ATCAY: variants seen among roughly 807,000 people sequenced by gnomAD.
ATCAY encodes the protein caytaxin.
In ATCAY, 22 loss-of-function variants were observed where a neutral mutation model predicts 47.7. That is an observed-to-expected ratio of 0.46 (90% confidence interval 0.33 to 0.66). The LOEUF is 0.66. Ranked by LOEUF, ATCAY falls within the 30% of genes least tolerant of loss-of-function variation. The pLI is 0.02. For missense variants in ATCAY, 452 were observed against 515.0 expected (o/e 0.88, Z 1.18); for synonymous variants, 216 against 207.6 (o/e 1.04, Z -0.35).
At chr19:3,911,255 A>C in intron 8 of ATCAY, among the ~76,000 whole-genome samples, 1 of 152,136 alleles carries the variant, frequency 6.6e-6, no homozygotes, top group East Asian at 1.9e-4. Context: ...AGTTTCAGCT[A>C]CTTGGGAGGC....
intron 11 of ATCAY, chr19:3,920,226 T>C (rs1397686072): frequency 6.6e-6 from 1 of 152,292 alleles, no homozygotes; most frequent in East Asian, 1.9e-4. Context: ...TACCTTGTAG[T>C]CCCAGCTACT....
At chr19:3,912,569 C>T (rs193153664) in intron 8 of ATCAY, among the ~76,000 whole-genome samples, 36 of 151,996 alleles carry the variant, frequency 2.4e-4, no homozygotes, top group Admixed American at 2.0e-3. Flanking sequence ...CTTGGCCTCC[C>T]AAAGTGAAAA....
At chr19:3,905,307 T>C (rs1000284091) in intron 3 of ATCAY, 127 bp from the exon 4 acceptor site, 7 of 922,774 alleles carry the variant, frequency 7.6e-6, no homozygotes, top group Admixed American at 2.7e-5. Context: ...ATGGCATGGA[T>C]ACAGAAGGGA....
chr19:3,906,291 C>G (rs997054476), intron 4 of ATCAY, among the ~76,000 whole-genome samples: 4 of 150,390 alleles, frequency 2.7e-5, no homozygotes, highest in African/African-American at 4.9e-5. Context: ...AGGGTCCATC[C>G]GCTCCTGCGA....
intron 9 of ATCAY, among the ~76,000 whole-genome samples, chr19:3,914,391 A>C (rs11085049): frequency 6.6e-6 from 1 of 151,846 alleles, no homozygotes; most frequent in Non-Finnish European, 1.5e-5. Flanking sequence ...ATCAGATCTC[A>C]TGAGACTTAC....
chr19:3,924,246 T>C lies in ATCAY; in HGVS notation c.1107-337T>C, dbSNP rs918702913. ...GTGAGTGAGTGTGTGGATGGATGGA[T>C]GGATGGATGGATGGATGGATGGATG... On this transcript the variant is annotated intron_variant, in intron 12 of 12. Transcript: ENST00000450849. 1.4e-3 allele frequency among the ~76,000 whole-genome samples: 205 copies of C among 150,476 alleles called. 2 individuals are homozygous for C. Among genetic ancestry groups the C allele is most frequent in the South Asian group, 7.3e-3 (34 of 4,688 alleles).
chr19:3,896,267 CTTT>C (rs71166934), intron 2 of ATCAY, among the ~76,000 whole-genome samples: 7 of 141,186 alleles, frequency 5.0e-5, no homozygotes, highest in South Asian at 2.3e-4. Flanking sequence ...AATCACATCC[CTTT>C]TTTTTTTTTT....
In ATCAY at chr19:3,907,912, C is replaced by T. The variant is rs1428534798; in HGVS notation, c.537C>T (p.Thr179=). The change falls in exon 5 of 13, where the codon ACC becomes ACT. Residue 179 remains threonine, a synonymous_variant. Transcript: ENST00000450849. The surrounding 1 kb of genome is among the most constrained non-coding windows in gnomAD (Gnocchi z 5.1). The part of the protein sequence containing the change: ...HMIRPYMKVV[T]HGGYYGEGLN... ...TCCGGCCTTACATGAAAGTGGTCACCCACGGAGGTGAGACCCGCCCCCCGG... is the reference window on the plus strand; with the variant it reads ...TCCGGCCTTACATGAAAGTGGTCACTCACGGAGGTGAGACCCGCCCCCCGG... The T allele has an allele frequency of 6.2e-7, 1 of 1,613,412 alleles. No homozygotes were observed. Among genetic ancestry groups the T allele is most frequent in the Non-Finnish European group, 8.5e-7 (1 of 1,179,640 alleles).
At chr19:3,922,143 G>A (rs998804315) in intron 12 of ATCAY, 2 of 702,530 alleles carry the variant, frequency 2.8e-6, no homozygotes, top group African/African-American at 3.5e-5. Context: ...CTGACTGTCT[G>A]CATGGCTTTT....
At chr19:3,912,708 C>T (rs1281982156) in intron 8 of ATCAY, among the ~76,000 whole-genome samples, 2 of 151,686 alleles carry the variant, frequency 1.3e-5, no homozygotes, top group Non-Finnish European at 2.9e-5. Flanking sequence ...AGCAAGACCT[C>T]CATCTCTACA....
chr19:3,908,948 G>C (rs67057528), intron 6 of ATCAY, among the ~76,000 whole-genome samples: 5,563 of 37,454 alleles, frequency 0.15, 678 homozygotes, highest in African/African-American at 0.32. Context: ...TCCTCTTCCC[G>C]CTCTGAGATG....
At chr19:3,922,199 C>T (rs2039026953) in intron 12 of ATCAY, 2 of 701,666 alleles carry the variant, frequency 2.9e-6, no homozygotes, top group Non-Finnish European at 5.2e-6. Context: ...CCACGTGGCC[C>T]AAGTTCCAAC....
intron 2 of ATCAY, among the ~76,000 whole-genome samples, chr19:3,894,948 CAAAA>C (rs34311804): frequency 1.3e-5 from 1 of 76,792 alleles, no homozygotes; most frequent in Admixed American, 1.6e-4. Context: ...GACCCTGTCT[CAAAA>C]AAAAAAAAAA....
chr19:3,905,368 G>C, intron 3 of ATCAY, 66 bp from the exon 4 acceptor site: 1 of 1,458,142 alleles, frequency 6.9e-7, no homozygotes, highest in Non-Finnish European at 9.2e-7. Context: ...CCACCAGGTA[G>C]GAAAATGGGG....
chr19:3,903,857 G>T (rs990001888), intron 3 of ATCAY, among the ~76,000 whole-genome samples: 2 of 149,330 alleles, frequency 1.3e-5, no homozygotes, highest in Non-Finnish European at 1.5e-5. Context: ...AAAAAAAAAA[G>T]GCAGGTCACC....
chr19:3,919,179 G>A (rs1026314738), intron 11 of ATCAY, among the ~76,000 whole-genome samples: 5 of 152,004 alleles, frequency 3.3e-5, no homozygotes, highest in African/African-American at 4.8e-5. Context: ...TTGGGAGGCC[G>A]AGGCAGGAGA....
intron 3 of ATCAY, among the ~76,000 whole-genome samples, chr19:3,905,154 G>A (rs1444625421): frequency 2.6e-5 from 4 of 152,234 alleles, no homozygotes; most frequent in Non-Finnish European, 4.4e-5. Context: ...CACCGCACCC[G>A]GCCCAAAGTC....
chr19:3,906,427 C>G (rs924937729), intron 4 of ATCAY, among the ~76,000 whole-genome samples: 3 of 151,412 alleles, frequency 2.0e-5, no homozygotes, highest in Admixed American at 1.3e-4. Flanking sequence ...CTCAGCCTCC[C>G]GAGTAGCTGG....
At chr19:3,886,261 C>T (rs928535748) in intron 2 of ATCAY, among the ~76,000 whole-genome samples, 1 of 151,668 alleles carries the variant, frequency 6.6e-6, no homozygotes, top group African/African-American at 2.4e-5. Context: ...CCAGCCTGGC[C>T]AACATGGCAA....
Sources: gnomAD v4.1 joint callset for allele counts (sites outside exome capture counted in the v4.1 genomes callset) on GRCh38, gnomAD v4.1.1 for gene constraint, Gnocchi (gnomAD v3.1) non-coding constraint, MANE v1.5 for transcripts, NCBI Gene and HGNC (gene_info 2026-07-23, HGNC 2026-07-21) for gene names.